SEMA5B: variants seen among roughly 807,000 people sequenced by gnomAD.
SEMA5B encodes the protein semaphorin 5B.
A neutral mutation model predicts 135.0 loss-of-function variants in SEMA5B; 66 were observed. That is an observed-to-expected ratio of 0.49 (90% CI 0.40 to 0.60). The LOEUF (loss-of-function observed/expected upper bound fraction) is 0.60, where lower values mean the gene tolerates loss of function less well. Ranked by LOEUF, SEMA5B falls within the 20% of genes least tolerant of loss-of-function variation. SEMA5B has a pLI of 0.00. For synonymous variants in SEMA5B, 690 were observed against 639.5 expected (o/e 1.08, Z -1.19); for missense variants, 1,501 against 1,566.3 (o/e 0.96, Z 0.70).
intron 1 of SEMA5B, among the ~76,000 whole-genome samples, chr3:122,981,464 T>C (rs1318557411): frequency 1.3e-5 from 2 of 152,238 alleles, no homozygotes; most frequent in African/African-American, 2.4e-5. Flanking sequence ...TAGGGCCCCA[T>C]TGGGAAATAA....
chr3:123,007,364 C>A (rs1328931205), intron 1 of SEMA5B, among the ~76,000 whole-genome samples: 4 of 152,178 alleles, frequency 2.6e-5, no homozygotes, highest in African/African-American at 9.7e-5. Context: ...TCTTTGGCCA[C>A]CTCCACCCTC....
rs1324695716 is a variant in SEMA5B, at chr3:122,961,228, G to A, written c.36C>T (p.His12=). The change falls in exon 2 of 23, where the codon CAC becomes CAT. Residue 12 remains histidine, a synonymous_variant. Transcript: ENST00000357599. ...TATCAGGCGGCCCAGGGACGAGGTGGTGGGCAACAGGAGACGGACTGAAGC... is the reference window on the plus strand; with the variant it reads ...TATCAGGCGGCCCAGGGACGAGGTGATGGGCAACAGGAGACGGACTGAAGC... The part of the protein sequence containing the change: ...PCGFSPSPVA[H]HLVPGPPDTP... 2 of 1,613,964 alleles carry A rather than the reference G, an allele frequency of 1.2e-6. No homozygotes were observed. The highest frequency in any genetic ancestry group is 2.7e-5 in the African/African-American group (2 of 74,914).
At chr3:122,984,291 A>G (rs944435404) in intron 1 of SEMA5B, among the ~76,000 whole-genome samples, 1 of 152,264 alleles carries the variant, frequency 6.6e-6, no homozygotes. Flanking sequence ...CACCTCCCCA[A>G]TCCCACAGCT....
intron 5 of SEMA5B, 29 bp from the exon 6 acceptor site, chr3:122,929,087 C>A: frequency 6.2e-7 from 1 of 1,602,388 alleles, no homozygotes; most frequent in Non-Finnish European, 8.5e-7. Context: ...AGCACACAGA[C>A]ATCACATGGC....
chr3:122,912,463 TC>T, intron 18 of SEMA5B, 121 bp from the exon 19 acceptor site: 1 of 909,398 alleles, frequency 1.1e-6, no homozygotes, highest in Non-Finnish European at 1.6e-6. Flanking sequence ...ATCCACCCGA[TC>T]CACCCGCCAC....
Position 123,027,658 on chromosome 3 carries a change from G to A in SEMA5B, c.-233C>T, listed in dbSNP as rs944183431. 11 of 152,196 alleles carry A rather than the reference G, an allele frequency of 7.2e-5. No homozygotes were observed. Among genetic ancestry groups the A allele is most frequent in the African/African-American group, 2.7e-4 (11 of 41,442 alleles). 9.4% of individuals were successfully genotyped at this position (152,196 alleles called of 1,614,324 possible). A position where few individuals can be genotyped will look rare whatever the true frequency, so the allele number is the denominator to read the frequency against. On this transcript the variant is annotated 5_prime_UTR_variant, in exon 1 of 23. Transcript: ENST00000357599. Reference sequence around the variant, plus strand: ...GCCCGCTGCGCTCGGGCTCCCAGCAGCCGCTGGATGCGCTGCCGACCCGCC... The same window carrying A: ...GCCCGCTGCGCTCGGGCTCCCAGCAACCGCTGGATGCGCTGCCGACCCGCC...
At chr3:122,987,248 T>C (rs1443082599) in intron 1 of SEMA5B, among the ~76,000 whole-genome samples, 1 of 152,148 alleles carries the variant, frequency 6.6e-6, no homozygotes, top group South Asian at 2.1e-4. Flanking sequence ...GGGAATCTAC[T>C]AAACATTGAA....
intron 1 of SEMA5B, among the ~76,000 whole-genome samples, chr3:122,966,047 A>T (rs1303304636): frequency 6.6e-6 from 1 of 152,184 alleles, no homozygotes; most frequent in Non-Finnish European, 1.5e-5. Context: ...CCAGCAGCTA[A>T]CTTGAATCTC....
intron 1 of SEMA5B, among the ~76,000 whole-genome samples, chr3:122,994,737 T>C (rs1048516975): frequency 2.0e-4 from 30 of 152,172 alleles, no homozygotes; most frequent in Non-Finnish European, 4.4e-5. Flanking sequence ...TGTGTGACCT[T>C]GAGCAAGCTG....
rs1386693125 is a variant in SEMA5B at position 122,928,590 on chromosome 3, A to T, written c.563T>A (p.Val188Asp). Residue 188 changes from valine to aspartate, a missense_variant, in exon 7 of 23, where the codon GTC becomes GAC. Val to Asp is a radical substitution (Grantham distance 152, BLOSUM62 -3). Transcript: ENST00000357599. ...TEEECQNYVR[V>D]LIVAGRKVFM... is the part of the protein sequence containing the mutation. ...CACCTTCCGGCCGGCGACGATCAGG[A>T]CTCGCACGTAGTTCTGACACTCCTC... 6.4e-7 allele frequency: 1 copy of T among 1,559,560 alleles called. No homozygotes were observed. The highest frequency in any genetic ancestry group is 2.4e-5 in the East Asian group (1 of 41,682).
chr3:122,914,113 G>A (rs1937936585), intron 14 of SEMA5B, 112 bp from the exon 15 acceptor site: 1 of 1,198,656 alleles, frequency 8.3e-7, no homozygotes, highest in Non-Finnish European at 1.1e-6. Context: ...GGGCTGGACA[G>A]TGACATAGAA....
At chr3:123,008,175 T>C (rs1262507191) in intron 1 of SEMA5B, among the ~76,000 whole-genome samples, 1 of 152,230 alleles carries the variant, frequency 6.6e-6, no homozygotes. Context: ...TCTTTTCTAC[T>C]GGAGAGAAAT....
At chr3:122,922,193 TC>T in intron 11 of SEMA5B, 46 bp downstream of exon 11, 1 of 1,578,262 alleles carries the variant, frequency 6.3e-7, no homozygotes, top group African/African-American at 1.3e-5. Context: ...GCGCCGTCCC[TC>T]AACCCACCCC....
chr3:122,912,366 G>C, intron 18 of SEMA5B, 24 bp from the exon 19 acceptor site: 1 of 1,534,930 alleles, frequency 6.5e-7, no homozygotes, highest in South Asian at 1.3e-5. Flanking sequence ...GGGTGTGTGA[G>C]GGGCTGTAGG....
intron 1 of SEMA5B, among the ~76,000 whole-genome samples, chr3:123,023,568 GA>G: frequency 6.6e-6 from 1 of 152,110 alleles, no homozygotes; most frequent in Non-Finnish European, 1.5e-5. Flanking sequence ...GATGAGTGAG[GA>G]ATCTGAGGCA....
chr3:122,979,997 T>A (rs571742074), intron 1 of SEMA5B, among the ~76,000 whole-genome samples: 34 of 152,348 alleles, frequency 2.2e-4, no homozygotes, highest in African/African-American at 7.9e-4. Context: ...TGACATTTCA[T>A]CACTTGGAAG....
At chr3:123,026,540 G>A (rs921222975) in intron 1 of SEMA5B, among the ~76,000 whole-genome samples, 3 of 152,114 alleles carry the variant, frequency 2.0e-5, no homozygotes, top group African/African-American at 7.2e-5. Context: ...AGTCGGCTCC[G>A]TTGGGCCGGG....
intron 1 of SEMA5B, among the ~76,000 whole-genome samples, chr3:123,021,265 C>A (rs1035358287): frequency 1.3e-5 from 2 of 152,198 alleles, no homozygotes; most frequent in African/African-American, 2.4e-5. Flanking sequence ...ACACACCAAC[C>A]AACAGGGCAA....
At chr3:122,959,941 C>A (rs1185457713) in intron 2 of SEMA5B, among the ~76,000 whole-genome samples, 1 of 152,138 alleles carries the variant, frequency 6.6e-6, no homozygotes, top group Non-Finnish European at 1.5e-5. Flanking sequence ...ACTTTAATTG[C>A]TGAAATTAAA....
Sources: allele counts gnomAD v4.1 joint callset (sites outside exome capture counted in the v4.1 genomes callset), GRCh38; gene constraint gnomAD v4.1.1; transcripts MANE v1.5; gene names NCBI Gene and HGNC (gene_info 2026-07-23, HGNC 2026-07-21).